The following ANGPT1 variants were observed in gnomAD, a reference collection of about 807,000 sequenced individuals.
ANGPT1 encodes angiopoietin-1.
In ANGPT1, 17 loss-of-function variants were observed where a neutral mutation model predicts 62.2. That is an observed-to-expected ratio of 0.27 (90% CI 0.19 to 0.41). The LOEUF is 0.41. Among genes scored for constraint, ANGPT1 ranks in the 10% least tolerant of loss-of-function variants. The pLI, the probability that ANGPT1 is intolerant of heterozygous loss-of-function variation, is 1.00. For missense variants in ANGPT1, 478 were observed against 594.9 expected, an observed-to-expected ratio of 0.80 and a Z score of 2.04; for synonymous variants, 199 against 198.9, an observed-to-expected ratio of 1.00 and a Z score of 0.00.
At chr8:107,446,479 T>C (rs892875315) in intron 1 of ANGPT1, among the ~76,000 whole-genome samples, 44 of 152,152 alleles carry the variant, frequency 2.9e-4, no homozygotes, top group African/African-American at 1.1e-3. Context: ...TTTAATTTTC[T>C]TGGGGCTATC....
At chr8:107,461,261 G>C (rs57198057) in intron 1 of ANGPT1, among the ~76,000 whole-genome samples, 25,173 of 151,904 alleles carry the variant, frequency 0.17, 2,376 homozygotes, top group African/African-American at 0.24. Context: ...GGGAAACTCT[G>C]GTAATTAATT....
intron 1 of ANGPT1, among the ~76,000 whole-genome samples, chr8:107,460,046 G>A (rs1411895698): frequency 6.6e-6 from 1 of 152,220 alleles, no homozygotes; most frequent in East Asian, 1.9e-4. Flanking sequence ...TTCACTACTT[G>A]TTTTTAGACA....
intron 1 of ANGPT1, among the ~76,000 whole-genome samples, chr8:107,449,782 T>C (rs1332914531): frequency 6.6e-6 from 1 of 152,110 alleles, no homozygotes; most frequent in Non-Finnish European, 1.5e-5. Flanking sequence ...CTTCATTCTT[T>C]ATACGTATTA....
In ANGPT1 at chr8:107,284,708, G is replaced by A; in HGVS notation, c.1179C>T (p.His393=). 6.3e-7 allele frequency: 1 copy of A among 1,575,710 alleles called. No individual in the cohort carries two copies. The highest frequency in any genetic ancestry group is 8.6e-7 in the Non-Finnish European group (1 of 1,157,192). ...NRAYSQYDRF[H]IGNEKQNYRL... is the part of the protein sequence containing the mutation. ...TATAGTTTTGCTTTTCATTTCCTAT[G>A]TGGAATCTGTCATACTGTGAATAGG... Residue 393 remains histidine (H), a synonymous_variant, in exon 7 of 9, where the codon CAC becomes CAT. Transcript: ENST00000517746.
At chr8:107,402,518 C>T (rs1440456952) in intron 1 of ANGPT1, among the ~76,000 whole-genome samples, 1 of 152,218 alleles carries the variant, frequency 6.6e-6, no homozygotes, top group African/African-American at 2.4e-5. Flanking sequence ...AGAGCACCTG[C>T]TCCCATGCTA....
At chr8:107,265,658 A>G (rs1459285111) in intron 7 of ANGPT1, among the ~76,000 whole-genome samples, 1 of 152,100 alleles carries the variant, frequency 6.6e-6, no homozygotes, top group East Asian at 1.9e-4. Flanking sequence ...CATATAGGTC[A>G]CCACCTGTAT....
chr8:107,355,644 A>G (rs550846847), intron 1 of ANGPT1, among the ~76,000 whole-genome samples: 1 of 151,368 alleles, frequency 6.6e-6, no homozygotes, highest in African/African-American at 2.4e-5. Flanking sequence ...ACTTTGCTCC[A>G]ACTGGAATGC....
rs1170607641 is a variant in ANGPT1 at position 107,250,331 on chromosome 8, C to A, written c.*1524G>T. ...AGTAACTTCAAGCACCCCAAAAATTCACTTAAAATACATTATCCCATAGGA... is the reference window on the plus strand; with the variant it reads ...AGTAACTTCAAGCACCCCAAAAATTAACTTAAAATACATTATCCCATAGGA... On this transcript the variant is annotated 3_prime_UTR_variant, in exon 9 of 9. Transcript: ENST00000517746. The A allele has an allele frequency of 6.6e-6, 1 of 152,094 alleles. No homozygotes were observed. Among genetic ancestry groups the A allele is most frequent in the African/African-American group, 2.4e-5 (1 of 41,434 alleles). 9.4% of individuals were successfully genotyped at this position (152,094 alleles called of 1,614,324 possible).
intron 1 of ANGPT1, among the ~76,000 whole-genome samples, chr8:107,405,780 A>C (rs1817136612): frequency 6.6e-6 from 1 of 152,030 alleles, no homozygotes; most frequent in Non-Finnish European, 1.5e-5. Context: ...TGTGTTAGCC[A>C]GGTCTTTATT....
intron 8 of ANGPT1, among the ~76,000 whole-genome samples, chr8:107,262,364 C>G (rs554382745): frequency 2.6e-5 from 4 of 152,338 alleles, no homozygotes; most frequent in Admixed American, 2.6e-4. Flanking sequence ...TTCATGTACA[C>G]TACTACTTCA....
At chr8:107,380,104 G>A (rs1054655557) in intron 1 of ANGPT1, among the ~76,000 whole-genome samples, 1 of 147,056 alleles carries the variant, frequency 6.8e-6, no homozygotes, top group East Asian at 2.0e-4. Flanking sequence ...GTCTGGAAAT[G>A]TGGTTTAAGG....
chr8:107,350,981 T>G (rs1815919838), intron 1 of ANGPT1, among the ~76,000 whole-genome samples: 1 of 152,088 alleles, frequency 6.6e-6, no homozygotes, highest in African/African-American at 2.4e-5. Context: ...CTTCATATAT[T>G]CCCTACTGGT....
At chr8:107,277,963 A>G (rs751066397) in intron 7 of ANGPT1, among the ~76,000 whole-genome samples, 3 of 152,212 alleles carry the variant, frequency 2.0e-5, no homozygotes, top group Non-Finnish European at 4.4e-5. Flanking sequence ...TGTTGGAGAC[A>G]ATAGTGGTGA....
At chr8:107,334,914 C>T (rs1186880846) in intron 3 of ANGPT1, among the ~76,000 whole-genome samples, 1 of 152,154 alleles carries the variant, frequency 6.6e-6, no homozygotes, top group Non-Finnish European at 1.5e-5. Flanking sequence ...CCCCATGTCA[C>T]AGTACAAGGA....
chr8:107,439,253 G>T (rs1018328920), intron 1 of ANGPT1, among the ~76,000 whole-genome samples: 3 of 152,280 alleles, frequency 2.0e-5, no homozygotes, highest in Admixed American at 2.0e-4. Context: ...AAGAACCAGG[G>T]CTTCAGAGTC....
intron 1 of ANGPT1, among the ~76,000 whole-genome samples, chr8:107,421,777 A>C (rs1810902247): frequency 1.3e-5 from 2 of 152,228 alleles, no homozygotes; most frequent in Admixed American, 6.5e-5. Flanking sequence ...TAGTTTCAGT[A>C]AAGCAAGAGA....
chr8:107,398,644 G>T (rs1369232497), intron 1 of ANGPT1, among the ~76,000 whole-genome samples: 1 of 151,588 alleles, frequency 6.6e-6, no homozygotes, highest in Non-Finnish European at 1.5e-5. Flanking sequence ...AAACTGTTCT[G>T]GACAGAGTGG....
intron 5 of ANGPT1, among the ~76,000 whole-genome samples, chr8:107,299,290 A>G (rs1814495622): frequency 6.7e-6 from 1 of 150,136 alleles, no homozygotes; most frequent in Non-Finnish European, 1.5e-5. Flanking sequence ...GTCAATATTC[A>G]ATATTTGCTA....
At chr8:107,342,742 G>T (rs889454379) in intron 2 of ANGPT1, among the ~76,000 whole-genome samples, 2 of 149,622 alleles carry the variant, frequency 1.3e-5, no homozygotes, top group African/African-American at 2.5e-5. Context: ...TCAGTTAAAA[G>T]ATTCATGCTC....
Sources: allele counts gnomAD v4.1 joint callset (sites outside exome capture counted in the v4.1 genomes callset), GRCh38; gene constraint gnomAD v4.1.1; transcripts MANE v1.5; gene names NCBI Gene and HGNC (gene_info 2026-07-23, HGNC 2026-07-21).